MED27: variants seen among roughly 807,000 people sequenced by gnomAD.
The protein encoded by MED27 is mediator complex subunit 27, also known as mediator of RNA polymerase II transcription subunit 27.
A neutral mutation model predicts 38.2 loss-of-function variants in MED27; 30 were observed. The observed-to-expected ratio is 0.79, with a 90% CI of 0.59 to 1.07. The LOEUF (loss-of-function observed/expected upper bound fraction) is 1.07. MED27 is among the 50% of genes least tolerant of loss of function. The probability of loss-of-function intolerance (pLI) is 0.00; values close to 1 mark genes in which losing one functional copy is unlikely to be tolerated. For missense variants in MED27, 289 were observed against 397.5 expected (o/e 0.73, Z 2.32); for synonymous variants, 122 against 153.5 (o/e 0.79, Z 1.52).
intron 4 of MED27, among the ~76,000 whole-genome samples, chr9:131,936,803 T>C (rs984677797): frequency 3.3e-5 from 5 of 152,338 alleles, no homozygotes; most frequent in African/African-American, 1.2e-4. Flanking sequence ...AGAGTTTCTG[T>C]TGACTGCATT....
At chr9:131,931,650 A>G (rs905481341) in intron 4 of MED27, among the ~76,000 whole-genome samples, 2 of 152,234 alleles carry the variant, frequency 1.3e-5, no homozygotes, top group Non-Finnish European at 2.9e-5. Context: ...CAGACTGAAA[A>G]TAAAAGGATG....
chr9:131,873,822 G>C (rs535142013), intron 6 of MED27, among the ~76,000 whole-genome samples: 1 of 152,318 alleles, frequency 6.6e-6, no homozygotes, highest in Non-Finnish European at 1.5e-5. Flanking sequence ...GATGTACTCA[G>C]CAAGATCTCT....
intron 2 of MED27, among the ~76,000 whole-genome samples, chr9:132,050,068 G>A (rs1833429873): frequency 6.6e-6 from 1 of 152,110 alleles, no homozygotes; most frequent in Admixed American, 6.6e-5. Flanking sequence ...AAATATCAGG[G>A]CGTTGCTCAT....
At chr9:131,934,237 T>C (rs1250415152) in intron 4 of MED27, among the ~76,000 whole-genome samples, 2 of 152,034 alleles carry the variant, frequency 1.3e-5, no homozygotes, top group Non-Finnish European at 2.9e-5. Flanking sequence ...TTGAGTAACA[T>C]CCCATAAACA....
At chr9:131,895,904 G>GTT (rs112200736) in intron 4 of MED27, among the ~76,000 whole-genome samples, 20 of 145,220 alleles carry the variant, frequency 1.4e-4, no homozygotes, top group South Asian at 4.4e-4. Context: ...AGTTATAGTT[G>GTT]TTTTTTTTTT....
intron 3 of MED27, among the ~76,000 whole-genome samples, chr9:131,952,783 C>G (rs1831025062): frequency 6.6e-6 from 1 of 152,204 alleles, no homozygotes; most frequent in African/African-American, 2.4e-5. Context: ...CTCCTCTTAC[C>G]CCTGGGGGAA....
Position 132,017,235 on chromosome 9 carries a change from T to C in MED27, c.349-2768A>G, listed in dbSNP as rs767833237. On this transcript the variant is annotated intron_variant, in intron 2 of 7. Transcript: ENST00000292035. Reference sequence around the variant, plus strand: ...ATTTAAGCACCAAAACTCCATTCCATGCAACACAGTTTAGATCTGAAGAGG... The same window carrying C: ...ATTTAAGCACCAAAACTCCATTCCACGCAACACAGTTTAGATCTGAAGAGG... Among the ~76,000 whole-genome samples the C allele has an allele frequency of 1.1e-4, 16 of 152,284 alleles. 1 individual carries two copies. Among genetic ancestry groups the C allele is most frequent in the Middle Eastern group, 3.4e-3 (1 of 294 alleles).
chr9:131,903,305 G>A (rs939022426), intron 4 of MED27, among the ~76,000 whole-genome samples: 4 of 152,150 alleles, frequency 2.6e-5, no homozygotes, highest in Admixed American at 6.5e-5. Context: ...GATCTTGTGA[G>A]ATCCACTCAT....
intron 3 of MED27, among the ~76,000 whole-genome samples, chr9:131,968,788 G>A (rs1440024702): frequency 2.6e-5 from 4 of 152,222 alleles, no homozygotes; most frequent in African/African-American, 9.6e-5. Flanking sequence ...CACAGCAGGA[G>A]GTGAGTGGTG....
intron 4 of MED27, among the ~76,000 whole-genome samples, chr9:131,935,746 T>C (rs1211071842): frequency 6.6e-6 from 1 of 152,168 alleles, no homozygotes; most frequent in Non-Finnish European, 1.5e-5. Context: ...TTGTTTATAT[T>C]CTATTTCTCA....
chr9:131,957,809 T>C (rs1417016964), intron 3 of MED27, among the ~76,000 whole-genome samples: 2 of 151,576 alleles, frequency 1.3e-5, no homozygotes, highest in Non-Finnish European at 2.9e-5. Flanking sequence ...CTGGGCTTAA[T>C]GGTTCACGTC....
At chr9:132,047,075 C>T (rs1460961365) in intron 2 of MED27, among the ~76,000 whole-genome samples, 3 of 152,076 alleles carry the variant, frequency 2.0e-5, no homozygotes, top group Non-Finnish European at 4.4e-5. Context: ...TATATATACA[C>T]ATGCAATCTT....
rs1310343136 is a variant in MED27 at position 131,893,865 on chromosome 9, C to A, written c.681+20G>T. 1.3e-6 allele frequency: 2 copies of A among 1,579,426 alleles called. No individual in the cohort carries two copies. Among genetic ancestry groups the A allele is most frequent in the Non-Finnish European group, 1.7e-6 (2 of 1,149,534 alleles). ...GGGATACAGAAAACCAAGGAACACA[C>A]AAGACTGCACAATGCTTACCTTGCC... On this transcript the variant is annotated intron_variant, in intron 5 of 7. Coordinates refer to ENST00000292035, the MANE Select transcript of MED27 (RefSeq NM_004269.4).
At chr9:132,059,600 C>T (rs950131173) in intron 2 of MED27, among the ~76,000 whole-genome samples, 1 of 152,190 alleles carries the variant, frequency 6.6e-6, no homozygotes, top group African/African-American at 2.4e-5. Flanking sequence ...GAGGGCTCTG[C>T]TGAGCCGCGA....
chr9:132,024,078 A>G (rs1589272672), intron 2 of MED27, among the ~76,000 whole-genome samples: 1 of 152,292 alleles, frequency 6.6e-6, no homozygotes, highest in Non-Finnish European at 1.5e-5. Context: ...CAATGCACAG[A>G]AGATGGAGCC....
intron 4 of MED27, among the ~76,000 whole-genome samples, chr9:131,937,297 C>G (rs1830702432): frequency 6.6e-6 from 1 of 152,160 alleles, no homozygotes; most frequent in African/African-American, 2.4e-5. Context: ...AATCACCTAC[C>G]ACTGGCCCTG....
At chr9:132,056,395 C>T (rs569503081) in intron 2 of MED27, among the ~76,000 whole-genome samples, 10 of 152,298 alleles carry the variant, frequency 6.6e-5, no homozygotes, top group African/African-American at 1.9e-4. Context: ...GCCGGCCTCC[C>T]ATCCCAATGA....
chr9:132,056,707 C>T (rs768141903), intron 2 of MED27, among the ~76,000 whole-genome samples: 3 of 152,064 alleles, frequency 2.0e-5, no homozygotes, highest in Non-Finnish European at 4.4e-5. Context: ...GTATAGACAC[C>T]GTGACAGAGG....
At chr9:132,058,595 C>T (rs1488069871) in intron 2 of MED27, among the ~76,000 whole-genome samples, 2 of 152,140 alleles carry the variant, frequency 1.3e-5, no homozygotes, top group African/African-American at 4.8e-5. Context: ...TGGGGCCTTC[C>T]CAGCCATGCG....
Sources: allele counts gnomAD v4.1 joint callset (sites outside exome capture counted in the v4.1 genomes callset), GRCh38; gene constraint gnomAD v4.1.1; transcripts MANE v1.5; gene names NCBI Gene and HGNC (gene_info 2026-07-23, HGNC 2026-07-21).